Variants in UNC13C observed in about 807,000 individuals in gnomAD.
The protein encoded by UNC13C is unc-13 homolog C, also known as protein unc-13 homolog C.
Under a neutral mutation model 245.4 loss-of-function variants are expected in UNC13C, and 174 were observed. The observed-to-expected ratio is 0.71, with a 90% CI of 0.63 to 0.80. UNC13C has a LOEUF of 0.80. UNC13C is among the 30% of genes least tolerant of loss of function. The probability of loss-of-function intolerance (pLI) is 0.00; values close to 1 mark genes in which losing one functional copy is unlikely to be tolerated. For missense variants in UNC13C, 2,829 were observed against 2,602.9 expected, an observed-to-expected ratio of 1.09 and a Z score of -1.89; for synonymous variants, 992 against 895.1, an observed-to-expected ratio of 1.11 and a Z score of -1.93.
the UNC13C span, among the ~76,000 whole-genome samples, chr15:53,909,308 C>T: frequency 6.8e-6 from 1 of 146,378 alleles, no homozygotes; most frequent in Non-Finnish European, 1.5e-5. Context: ...AGATTTTATT[C>T]CATATCAGCA....
At chr15:54,355,821 C>T (rs956610701) in intron 17 of UNC13C, among the ~76,000 whole-genome samples, 1 of 152,092 alleles carries the variant, frequency 6.6e-6, no homozygotes, top group Non-Finnish European at 1.5e-5. Context: ...ACAATATTAT[C>T]ACCTTTCTGC....
At chr15:54,371,962 A>G (rs1174014479) in intron 17 of UNC13C, among the ~76,000 whole-genome samples, 5 of 152,084 alleles carry the variant, frequency 3.3e-5, no homozygotes, top group African/African-American at 9.7e-5. Flanking sequence ...TGGGGAGATC[A>G]TGTCCTTGTT....
At chr15:53,853,006 T>C in the UNC13C span, among the ~76,000 whole-genome samples, 1 of 152,162 alleles carries the variant, frequency 6.6e-6, no homozygotes, top group East Asian at 1.9e-4. Flanking sequence ...AATATCTTTT[T>C]TTTTTTTTAC....
intron 24 of UNC13C, among the ~76,000 whole-genome samples, chr15:54,523,428 C>T (rs902061359): frequency 6.6e-6 from 1 of 152,100 alleles, no homozygotes; most frequent in Non-Finnish European, 1.5e-5. Context: ...AGAGACATTC[C>T]GTCTGCACCT....
At chr15:53,906,724 T>C in the UNC13C span, among the ~76,000 whole-genome samples, 1 of 152,210 alleles carries the variant, frequency 6.6e-6, no homozygotes, top group African/African-American at 2.4e-5. Context: ...CTCACACTGC[T>C]ATAAAGATAC....
intron 10 of UNC13C, among the ~76,000 whole-genome samples, chr15:54,273,559 A>G (rs781225024): frequency 1.3e-5 from 2 of 152,192 alleles, no homozygotes; most frequent in African/African-American, 2.4e-5. Context: ...ACAAAGCACC[A>G]TACAAGTCCT....
the UNC13C span, among the ~76,000 whole-genome samples, chr15:53,902,747 G>C: frequency 6.6e-6 from 1 of 152,126 alleles, no homozygotes; most frequent in Non-Finnish European, 1.5e-5. Flanking sequence ...GATTGGTAAG[G>C]GGTCTTCAGA....
intron 14 of UNC13C, among the ~76,000 whole-genome samples, chr15:54,330,010 G>A (rs1327909828): frequency 6.6e-6 from 1 of 151,996 alleles, no homozygotes; most frequent in Admixed American, 6.6e-5. Flanking sequence ...TATTTTAAAA[G>A]AGTGGGCAGA....
chr15:53,990,283 A>G (rs1894326923), intron 1 of UNC13C, among the ~76,000 whole-genome samples: 1 of 152,038 alleles, frequency 6.6e-6, no homozygotes, highest in Non-Finnish European at 1.5e-5. Context: ...CCATGTATCA[A>G]TGGGATCATC....
chr15:54,170,482 A>G (rs2141282903), intron 4 of UNC13C, among the ~76,000 whole-genome samples: 1 of 152,292 alleles, frequency 6.6e-6, no homozygotes, highest in Admixed American at 6.5e-5. Flanking sequence ...AAACAACGTC[A>G]TTATCATTAC....
chr15:54,489,618 A>G (rs1210042048), intron 19 of UNC13C, among the ~76,000 whole-genome samples: 2 of 152,212 alleles, frequency 1.3e-5, no homozygotes, highest in Non-Finnish European at 1.5e-5. Flanking sequence ...GATGTAGCAG[A>G]GCCCCAAATT....
chr15:54,195,794 G>A (rs1027689511), intron 4 of UNC13C, among the ~76,000 whole-genome samples: 3 of 152,050 alleles, frequency 2.0e-5, no homozygotes, highest in Non-Finnish European at 4.4e-5. Flanking sequence ...GAGTGCTAAT[G>A]GTTGCAATGA....
At chr15:54,591,043 A>G (rs1466547401) in intron 30 of UNC13C, among the ~76,000 whole-genome samples, 3 of 152,118 alleles carry the variant, frequency 2.0e-5, no homozygotes, top group Non-Finnish European at 4.4e-5. Flanking sequence ...GCATCTATTG[A>G]GATGATCATG....
At chr15:54,450,867 C>A (rs555390239) in intron 19 of UNC13C, among the ~76,000 whole-genome samples, 3 of 152,340 alleles carry the variant, frequency 2.0e-5, no homozygotes, top group Admixed American at 2.0e-4. Flanking sequence ...ATCGCTCACA[C>A]TGGGAGCTGT....
chr15:54,539,796 T>A (rs1257660506), intron 26 of UNC13C, among the ~76,000 whole-genome samples: 1 of 152,094 alleles, frequency 6.6e-6, no homozygotes, highest in Non-Finnish European at 1.5e-5. Flanking sequence ...TGAATCCATT[T>A]CACCATCTAT....
At chr15:53,905,104 A>T in the UNC13C span, among the ~76,000 whole-genome samples, 1 of 152,152 alleles carries the variant, frequency 6.6e-6, no homozygotes, top group African/African-American at 2.4e-5. Context: ...AGGTTTTAAA[A>T]TATAGAAGGC....
At chr15:53,939,697 A>G in the UNC13C span, among the ~76,000 whole-genome samples, 1 of 152,226 alleles carries the variant, frequency 6.6e-6, no homozygotes, top group Admixed American at 6.5e-5. Context: ...GCAAATTAAT[A>G]TAGATAATTC....
In UNC13C at chr15:54,500,985, T is replaced by G; in HGVS notation, c.5301+7T>G. On this transcript the variant is annotated splice_region_variant and intron_variant, in intron 22 of 32. Transcript: ENST00000260323. ...AATGAGAAGATTTGCAAAGGTAGGT[T>G]AAATAAAATGAGTCTTCTTTTTCTC... The G allele has an allele frequency of 6.2e-7, 1 of 1,611,238 alleles. No individual in the cohort carries two copies. Among genetic ancestry groups the G allele is most frequent in the South Asian group, 1.1e-5 (1 of 90,764 alleles).
chr15:54,136,371 G>C (rs918540346), intron 2 of UNC13C, among the ~76,000 whole-genome samples: 6 of 151,928 alleles, frequency 3.9e-5, no homozygotes, highest in African/African-American at 1.5e-4. Flanking sequence ...TATTTTTTCA[G>C]ATAGTTTGTT....
Sources: gnomAD v4.1 joint callset for allele counts (sites outside exome capture counted in the v4.1 genomes callset) on GRCh38, gnomAD v4.1.1 for gene constraint, MANE v1.5 for transcripts, NCBI Gene and HGNC (gene_info 2026-07-23, HGNC 2026-07-21) for gene names.